The following MFSD8 variants were observed in gnomAD, a reference collection of about 807,000 sequenced individuals.
MFSD8 encodes major facilitator superfamily domain-containing protein 8.
In MFSD8, 55 loss-of-function variants were observed where a neutral mutation model predicts 66.4. That is an observed-to-expected ratio of 0.83 (90% confidence interval 0.67 to 1.04). MFSD8 has a LOEUF of 1.04. MFSD8 is among the 50% of genes least tolerant of loss of function. The pLI is 0.00. For synonymous variants in MFSD8, 202 were observed against 212.8 expected (o/e 0.95, Z 0.44); for missense variants, 550 against 627.6 (o/e 0.88, Z 1.32).
chr4:127,965,355 G>A (rs894487247), upstream of MFSD8: 32 of 620,528 alleles, frequency 5.2e-5, no homozygotes, highest in Non-Finnish European at 7.8e-5. Flanking sequence ...CTCGGCACGC[G>A]CCTCCCATCC....
At chr4:127,965,272 G>C (rs913653960), upstream of MFSD8, 13 of 1,076,740 alleles carry the variant, frequency 1.2e-5, no homozygotes, top group Non-Finnish European at 1.8e-5. Context: ...GGAACGCCCC[G>C]AGGTCATAGG....
intron 2 of MFSD8, among the ~76,000 whole-genome samples, chr4:127,954,353 T>C (rs1169977301): frequency 2.0e-5 from 3 of 152,170 alleles, no homozygotes; most frequent in Admixed American, 1.3e-4. Flanking sequence ...GTGGGGCTCA[T>C]GCCTGTAATC....
In MFSD8 at chr4:127,921,295, C is replaced by T. The variant is rs74810449; in HGVS notation, c.1350+229G>A. 5.1e-5 allele frequency: 36 copies of T among 703,088 alleles called. No homozygotes were observed. The African/African-American group carries it at 6.3e-4, about 12-fold the overall frequency. 43.6% of individuals were successfully genotyped at this position (703,088 alleles called of 1,614,324 possible). A position where few individuals can be genotyped will look rare whatever the true frequency, so the allele number is the denominator to read the frequency against. ...TGGCTGACTCCACTGTGCCACTTTA[C>T]ACTCTACCACAATGCCACTCCTACA... On this transcript the variant is annotated intron_variant, in intron 11 of 11. Coordinates refer to ENST00000641686, the MANE Select transcript of MFSD8 (RefSeq NM_001371596.2).
At chr4:127,925,189 CT>C (rs1161705821) in intron 9 of MFSD8, among the ~76,000 whole-genome samples, 1 of 152,130 alleles carries the variant, frequency 6.6e-6, no homozygotes, top group Non-Finnish European at 1.5e-5. Context: ...TGGGCAAGGA[CT>C]TCATGTCTAA....
At chr4:127,963,219 A>T (rs909458185) in intron 1 of MFSD8, among the ~76,000 whole-genome samples, 2 of 152,212 alleles carry the variant, frequency 1.3e-5, no homozygotes, top group South Asian at 2.1e-4. Flanking sequence ...CAGATTTGTT[A>T]AACTATCAAG....
intron 2 of MFSD8, among the ~76,000 whole-genome samples, chr4:127,952,073 C>A (rs1742071499): frequency 6.6e-6 from 1 of 151,880 alleles, no homozygotes; most frequent in Non-Finnish European, 1.5e-5. Flanking sequence ...CATGTACATT[C>A]CTTATATAAA....
At chr4:127,963,402 C>T (rs1327744909) in intron 1 of MFSD8, among the ~76,000 whole-genome samples, 2 of 152,230 alleles carry the variant, frequency 1.3e-5, no homozygotes, top group African/African-American at 2.4e-5. Flanking sequence ...TTGGTGGGTT[C>T]TTGGTCTCAC....
At chr4:127,964,195 G>C (rs985480172) in intron 1 of MFSD8, among the ~76,000 whole-genome samples, 36 of 152,256 alleles carry the variant, frequency 2.4e-4, no homozygotes, top group African/African-American at 8.7e-4. Context: ...CCGCACCGGG[G>C]CTGCAGGTGG....
intron 4 of MFSD8, among the ~76,000 whole-genome samples, chr4:127,942,845 T>C (rs1326005278): frequency 6.6e-6 from 1 of 152,028 alleles, no homozygotes; most frequent in Non-Finnish European, 1.5e-5. Context: ...TACTGAAAAT[T>C]TTCATTGAGT....
At chr4:127,934,179 T>C (rs1738635688) in intron 7 of MFSD8, among the ~76,000 whole-genome samples, 1 of 152,120 alleles carries the variant, frequency 6.6e-6, no homozygotes, top group Admixed American at 6.6e-5. Flanking sequence ...GAGACTGAGG[T>C]TGCAGTGAGC....
intron 2 of MFSD8, among the ~76,000 whole-genome samples, 183 bp from the exon 3 acceptor site, chr4:127,950,030 A>G (rs929901234): frequency 1.3e-5 from 2 of 152,248 alleles, no homozygotes; most frequent in African/African-American, 4.8e-5. Flanking sequence ...CTAAAAGAAC[A>G]TACAATTACA....
intron 3 of MFSD8, among the ~76,000 whole-genome samples, chr4:127,949,127 A>C (rs1180266971): frequency 6.6e-6 from 1 of 152,240 alleles, no homozygotes; most frequent in Non-Finnish European, 1.5e-5. Context: ...AGATAGCAGT[A>C]GGTTAAGGAG....
chr4:127,929,515 G>C lies in MFSD8; in HGVS notation c.998+1168C>G, dbSNP rs1179575896. ...AGACAGGAGGATTGCTTCAGCCCAG[G>C]AGTCTGAGGCTGCCATGAGCTATGA... On this transcript the variant is annotated intron_variant, in intron 9 of 11. Transcript: ENST00000641686. Among the ~76,000 whole-genome samples the C allele has an allele frequency of 2.6e-5, 4 of 151,194 alleles. No individual in the cohort carries two copies. The South Asian group carries it at 6.3e-4, about 24-fold the overall frequency.
chr4:127,920,902 A>G (rs1736250390), intron 11 of MFSD8, 66 bp from the exon 12 acceptor site: 2 of 1,469,130 alleles, frequency 1.4e-6, no homozygotes, highest in Middle Eastern at 2.2e-4. Context: ...AAGCAAAGAA[A>G]TGGTATTACC....
intron 4 of MFSD8, among the ~76,000 whole-genome samples, chr4:127,943,144 G>T (rs1182930891): frequency 6.6e-6 from 1 of 151,872 alleles, no homozygotes; most frequent in Non-Finnish European, 1.5e-5. Context: ...TTGAACCCAG[G>T]CAGGTAGAGG....
intron 4 of MFSD8, among the ~76,000 whole-genome samples, chr4:127,942,735 A>T (rs1035751498): frequency 6.6e-6 from 1 of 152,128 alleles, no homozygotes; most frequent in Non-Finnish European, 1.5e-5. Context: ...CATACCATTG[A>T]TTACTACAAC....
At chr4:127,932,783 A>G (rs1738378752) in intron 8 of MFSD8, 5 of 482,622 alleles carry the variant, frequency 1.0e-5, no homozygotes, top group Middle Eastern at 5.9e-4. Context: ...AGAAAATAAG[A>G]TAAGGTAGTT....
chr4:127,949,400 A>C (rs1741579567), intron 3 of MFSD8, among the ~76,000 whole-genome samples: 1 of 152,208 alleles, frequency 6.6e-6, no homozygotes, highest in South Asian at 2.1e-4. Flanking sequence ...TGATAGCCCA[A>C]ATTAATTTTA....
chr4:127,933,012 G>C lies in MFSD8; in HGVS notation c.836C>G (p.Thr279Ser). 6.2e-7 allele frequency: 1 copy of C among 1,613,502 alleles called. No homozygotes were observed. Among genetic ancestry groups the C allele is most frequent in the South Asian group, 1.1e-5 (1 of 91,072 alleles). The change falls in exon 8 of 12, where the codon ACT becomes AGT. Residue 279 changes from threonine to serine, a missense_variant. Thr to Ser is a moderately conservative substitution (Grantham distance 58). Coordinates refer to ENST00000641686, the MANE Select transcript of MFSD8 (RefSeq NM_001371596.2). ...VVAINVLFFV[T>S]LFIFALFETI... ...TTCAAAAAGGGCAAAGATAAATAGAGTCACAAAAAACAGAACATTGATGGC... is the reference window on the plus strand; with the variant it reads ...TTCAAAAAGGGCAAAGATAAATAGACTCACAAAAAACAGAACATTGATGGC...
Sources: gnomAD v4.1 joint callset for allele counts (sites outside exome capture counted in the v4.1 genomes callset) on GRCh38, gnomAD v4.1.1 for gene constraint, MANE v1.5 for transcripts, NCBI Gene and HGNC (gene_info 2026-07-23, HGNC 2026-07-21) for gene names.